TAF3: variants seen among roughly 807,000 people sequenced by gnomAD.
TAF3 encodes transcription initiation factor TFIID subunit 3.
In TAF3, 7 loss-of-function variants were observed where a neutral mutation model predicts 80.6. The observed-to-expected ratio is 0.09, with a 90% CI of 0.05 to 0.16. TAF3 has a LOEUF of 0.16. TAF3 is among the 10% of genes least tolerant of loss of function. The pLI is 1.00. For synonymous variants in TAF3, 444 were observed against 446.1 expected, an observed-to-expected ratio of 1.00 and a Z score of 0.06; for missense variants, 921 against 1,140.2, an observed-to-expected ratio of 0.81 and a Z score of 2.77.
At chr10:7,923,812 T>C (rs1837790036) in intron 2 of TAF3, among the ~76,000 whole-genome samples, 1 of 152,154 alleles carries the variant, frequency 6.6e-6, no homozygotes. Flanking sequence ...AAAAATTGAA[T>C]TTTTGCACAT....
chr10:7,954,224 T>C (rs71481750), intron 2 of TAF3, among the ~76,000 whole-genome samples: 51 of 108,682 alleles, frequency 4.7e-4, no homozygotes, highest in African/African-American at 7.9e-4. Flanking sequence ...ACAGAGCTCT[T>C]CCTAGTGAGA....
chr10:7,868,242 C>CAAG (rs1327831344), intron 2 of TAF3, among the ~76,000 whole-genome samples: 1 of 152,166 alleles, frequency 6.6e-6, no homozygotes, highest in Non-Finnish European at 1.5e-5. Flanking sequence ...AAAGTAATGA[C>CAAG]AAGAAGAAGA....
chr10:7,975,930 GCAGTGCTTGGGA>G (rs1240666905), intron 3 of TAF3, among the ~76,000 whole-genome samples: 1 of 152,108 alleles, frequency 6.6e-6, no homozygotes, highest in African/African-American at 2.4e-5. Flanking sequence ...TAAACATCTG[GCAGTGCTTGGGA>G]CAGTGCCTTA....
intron 2 of TAF3, among the ~76,000 whole-genome samples, chr10:7,926,441 G>A (rs975423492): frequency 6.6e-6 from 1 of 152,120 alleles, no homozygotes; most frequent in African/African-American, 2.4e-5. Flanking sequence ...TTAGGAAAAA[G>A]TATTACCAGG....
chr10:7,859,260 CAATA>C (rs145110594), intron 2 of TAF3, among the ~76,000 whole-genome samples: 11,083 of 134,022 alleles, frequency 0.083, 562 homozygotes, highest in African/African-American at 0.12. Context: ...GACTCCATCT[CAATA>C]AATAAATAAA....
At chr10:7,957,251 C>T (rs1194543964) in intron 2 of TAF3, among the ~76,000 whole-genome samples, 3 of 152,166 alleles carry the variant, frequency 2.0e-5, no homozygotes, top group Admixed American at 1.3e-4. Context: ...CAACAGCCCT[C>T]AATTGCTTTC....
intron 3 of TAF3, among the ~76,000 whole-genome samples, chr10:7,968,707 C>A (rs1831595396): frequency 6.6e-6 from 1 of 152,134 alleles, no homozygotes; most frequent in East Asian, 1.9e-4. Context: ...AGTAGACTTG[C>A]CCAAGATCAC....
chr10:7,833,842 TG>T, intron 2 of TAF3: 2 of 757,536 alleles, frequency 2.6e-6, no homozygotes, highest in Non-Finnish European at 3.7e-6. Context: ...TCTCCCTTCC[TG>T]GGGACCGAGG....
intron 2 of TAF3, among the ~76,000 whole-genome samples, chr10:7,872,439 T>C (rs180868183): frequency 1.4e-3 from 208 of 152,252 alleles, no homozygotes; most frequent in South Asian, 3.7e-3. Context: ...TATTAAAATA[T>C]AGGAAGTTAT....
At chr10:7,994,714 C>T (rs1162834716) in intron 4 of TAF3, among the ~76,000 whole-genome samples, 1 of 151,058 alleles carries the variant, frequency 6.6e-6, no homozygotes, top group Non-Finnish European at 1.5e-5. Flanking sequence ...CCTGTGATCC[C>T]AGCACTTTGG....
At chr10:7,869,958 T>C (rs1317977248) in intron 2 of TAF3, among the ~76,000 whole-genome samples, 4 of 152,238 alleles carry the variant, frequency 2.6e-5, no homozygotes, top group Non-Finnish European at 5.9e-5. Flanking sequence ...GCCCAGAGAT[T>C]ACTGAACTAC....
chr10:7,958,056 T>C (rs1405214201), intron 2 of TAF3, among the ~76,000 whole-genome samples: 1 of 152,348 alleles, frequency 6.6e-6, no homozygotes, highest in Admixed American at 6.5e-5. Context: ...TTACAGATTA[T>C]TAGTAAATGA....
chr10:7,942,812 G>C (rs939648971), intron 2 of TAF3, among the ~76,000 whole-genome samples: 2 of 152,036 alleles, frequency 1.3e-5, no homozygotes, highest in African/African-American at 4.8e-5. Context: ...ATTTTTTTTT[G>C]TCGTTTTTGG....
chr10:7,997,083 G>A (rs1831897274), intron 4 of TAF3, among the ~76,000 whole-genome samples: 1 of 152,168 alleles, frequency 6.6e-6, no homozygotes, highest in African/African-American at 2.4e-5. Context: ...GAAATCTGAA[G>A]AAGAAAAGTA....
At chr10:7,956,795 G>C (rs908435233) in intron 2 of TAF3, among the ~76,000 whole-genome samples, 1 of 152,146 alleles carries the variant, frequency 6.6e-6, no homozygotes, top group Non-Finnish European at 1.5e-5. Flanking sequence ...TTTCTTATTT[G>C]AAGTATAGCA....
intron 2 of TAF3, among the ~76,000 whole-genome samples, chr10:7,882,298 A>T (rs371846010): frequency 2.6e-5 from 4 of 152,160 alleles, no homozygotes; most frequent in South Asian, 4.1e-4. Flanking sequence ...CATTTACAAC[A>T]TGTTTGTGCA....
At chr10:7,943,030 A>G (rs376824108) in intron 2 of TAF3, among the ~76,000 whole-genome samples, 126 of 152,204 alleles carry the variant, frequency 8.3e-4, no homozygotes, top group Middle Eastern at 3.4e-3. Context: ...CGTCCAGTCC[A>G]GTTTCTTTCT....
chr10:7,887,077 T>TA (rs893217602), intron 2 of TAF3, among the ~76,000 whole-genome samples: 2 of 150,854 alleles, frequency 1.3e-5, no homozygotes, highest in African/African-American at 4.9e-5. Flanking sequence ...CTACTAAAAA[T>TA]AAAAAAAATT....
intron 2 of TAF3, among the ~76,000 whole-genome samples, chr10:7,885,052 A>G (rs1837396589): frequency 6.6e-6 from 1 of 151,684 alleles, no homozygotes; most frequent in South Asian, 2.1e-4. Context: ...TGTTCACAAG[A>G]TACTTGGAAG....
Sources: gnomAD v4.1 joint callset for allele counts (sites outside exome capture counted in the v4.1 genomes callset) on GRCh38, gnomAD v4.1.1 for gene constraint, MANE v1.5 for transcripts, NCBI Gene and HGNC (gene_info 2026-07-23, HGNC 2026-07-21) for gene names.